The following UVRAG variants were observed in gnomAD, a reference collection of about 807,000 sequenced individuals.
UVRAG encodes UV radiation resistance associated.
A neutral mutation model predicts 78.0 loss-of-function variants in UVRAG; 19 were observed. That is an observed-to-expected ratio of 0.24 (90% CI 0.17 to 0.36). The LOEUF (loss-of-function observed/expected upper bound fraction) is 0.36. Among genes scored for constraint, UVRAG ranks in the 10% least tolerant of loss-of-function variants. The pLI is 1.00. For missense variants in UVRAG, 740 were observed against 853.8 expected (o/e 0.87, Z 1.66); for synonymous variants, 323 against 324.6 (o/e 1.00, Z 0.05).
intron 6 of UVRAG, among the ~76,000 whole-genome samples, chr11:75,933,008 C>T (rs913244863): frequency 6.6e-6 from 1 of 152,106 alleles, no homozygotes; most frequent in Non-Finnish European, 1.5e-5. Context: ...AAAGAAAACT[C>T]CTAAAATTTA....
intron 1 of UVRAG, among the ~76,000 whole-genome samples, chr11:75,838,433 G>T (rs1424666353): frequency 2.0e-4 from 31 of 151,940 alleles, no homozygotes; most frequent in Admixed American, 2.0e-3. Context: ...AACCTCCTGG[G>T]CTCAATCGAT....
At chr11:75,914,580 A>G (rs1947811346) in intron 6 of UVRAG, 3 of 152,146 alleles carry the variant, frequency 2.0e-5, no homozygotes, top group Admixed American at 2.0e-4. Context: ...TTCTGCCTTC[A>G]TCTCCCAGGT....
intron 6 of UVRAG, among the ~76,000 whole-genome samples, chr11:75,928,678 G>A (rs1161625580): frequency 1.3e-5 from 2 of 151,996 alleles, no homozygotes; most frequent in South Asian, 2.1e-4. Flanking sequence ...GGTGGCTCAC[G>A]CTTGTAATCC....
intron 13 of UVRAG, among the ~76,000 whole-genome samples, chr11:76,099,215 T>C (rs1021977093): frequency 1.3e-5 from 2 of 152,218 alleles, no homozygotes; most frequent in African/African-American, 2.4e-5. Context: ...TGGCATGATA[T>C]TAGCTGCTGG....
At chr11:75,894,139 A>G (rs1002933935) in intron 5 of UVRAG, among the ~76,000 whole-genome samples, 5 of 152,220 alleles carry the variant, frequency 3.3e-5, no homozygotes, top group Non-Finnish European at 7.3e-5. Flanking sequence ...TAAATATCTG[A>G]TAAACCTATG....
chr11:76,132,440 G>A (rs574641117), intron 14 of UVRAG, among the ~76,000 whole-genome samples: 2 of 152,086 alleles, frequency 1.3e-5, no homozygotes, highest in East Asian at 3.9e-4. Flanking sequence ...TTGTAGGGAG[G>A]GAAAGACACA....
In UVRAG at chr11:76,141,245, C is replaced by T. The variant is rs1952717944; in HGVS notation, c.1932C>T (p.Ala644=). 3 of 1,614,066 alleles carry T rather than the reference C, an allele frequency of 1.9e-6. No homozygotes were observed. Among genetic ancestry groups the T allele is most frequent in the African/African-American group, 2.7e-5 (2 of 74,926 alleles). ...TCGGGCTGGAAGCCACAGGTTTCGCCTCAGGTGATCAGCTAGAAGCATTTA... is the reference window on the plus strand; with the variant it reads ...TCGGGCTGGAAGCCACAGGTTTCGCTTCAGGTGATCAGCTAGAAGCATTTA... ...EIIGLEATGF[A]SGDQLEAFNC... The change falls in exon 15 of 15, where the codon GCC becomes GCT. Residue 644 remains alanine, a synonymous_variant. Transcript: ENST00000356136.
At chr11:75,877,001 C>A (rs922314983) in intron 3 of UVRAG, among the ~76,000 whole-genome samples, 1 of 151,076 alleles carries the variant, frequency 6.6e-6, no homozygotes, top group African/African-American at 2.5e-5. Context: ...TGCGGCCTTC[C>A]GCAGTGTTTG....
At chr11:75,915,336 T>G (rs566731503) in intron 6 of UVRAG, 1 of 152,332 alleles carries the variant, frequency 6.6e-6, no homozygotes, top group South Asian at 2.1e-4. Flanking sequence ...TCAGGTGCTT[T>G]GACCCATAGT....
intron 1 of UVRAG, among the ~76,000 whole-genome samples, chr11:75,842,760 T>C (rs1945945208): frequency 6.6e-6 from 1 of 152,190 alleles, no homozygotes; most frequent in Admixed American, 6.5e-5. Context: ...TTTCATATCC[T>C]TTGCCCCTTT....
At chr11:75,995,588 T>G (rs530603500) in intron 8 of UVRAG, among the ~76,000 whole-genome samples, 2 of 151,684 alleles carry the variant, frequency 1.3e-5, no homozygotes, top group Non-Finnish European at 2.9e-5. Context: ...TAAATTACTG[T>G]GTCCTTTTGG....
chr11:75,844,197 A>G (rs1014515093), intron 1 of UVRAG, among the ~76,000 whole-genome samples: 1 of 152,008 alleles, frequency 6.6e-6, no homozygotes, highest in African/African-American at 2.4e-5. Context: ...TTTGTATTCT[A>G]CCGTTAAGTT....
At chr11:76,068,469 G>A (rs1023647088) in intron 13 of UVRAG, among the ~76,000 whole-genome samples, 1 of 152,132 alleles carries the variant, frequency 6.6e-6, no homozygotes, top group African/African-American at 2.4e-5. Context: ...GAATCCATAG[G>A]GAGCAAGTAT....
At chr11:76,071,712 A>T (rs561894250) in intron 13 of UVRAG, among the ~76,000 whole-genome samples, 1 of 152,198 alleles carries the variant, frequency 6.6e-6, no homozygotes, top group Non-Finnish European at 1.5e-5. Flanking sequence ...TTGGATCAGG[A>T]TGGTAGGGGT....
chr11:76,000,505 G>A (rs981108982), intron 8 of UVRAG, among the ~76,000 whole-genome samples: 1 of 152,106 alleles, frequency 6.6e-6, no homozygotes, highest in African/African-American at 2.4e-5. Context: ...CTACTTGGGA[G>A]GCTGAGACAG....
intron 12 of UVRAG, among the ~76,000 whole-genome samples, chr11:76,043,611 T>A (rs1178852958): frequency 6.6e-6 from 1 of 152,234 alleles, no homozygotes; most frequent in Non-Finnish European, 1.5e-5. Flanking sequence ...TATGTAAGTA[T>A]TTTTGTATGA....
At chr11:75,877,427 C>T (rs868347595) in intron 3 of UVRAG, among the ~76,000 whole-genome samples, 151 of 146,832 alleles carry the variant, frequency 1.0e-3, no homozygotes, top group African/African-American at 3.4e-3. Flanking sequence ...TAGGGGCGGC[C>T]GGGCAGAGGT....
chr11:75,968,957 C>G (rs1047112750), intron 7 of UVRAG, among the ~76,000 whole-genome samples: 1 of 152,210 alleles, frequency 6.6e-6, no homozygotes, highest in African/African-American at 2.4e-5. Context: ...TAATAAACAG[C>G]CTCATTGACT....
intron 1 of UVRAG, among the ~76,000 whole-genome samples, chr11:75,838,249 T>G (rs942631202): frequency 6.6e-6 from 1 of 152,196 alleles, no homozygotes; most frequent in Non-Finnish European, 1.5e-5. Flanking sequence ...TTTCTAGTTC[T>G]TTTTGCTAAT....
Sources: gnomAD v4.1 joint callset for allele counts (sites outside exome capture counted in the v4.1 genomes callset) on GRCh38, gnomAD v4.1.1 for gene constraint, MANE v1.5 for transcripts, NCBI Gene and HGNC (gene_info 2026-07-23, HGNC 2026-07-21) for gene names.